The following SLC14A2 variants were observed in gnomAD, a reference collection of about 807,000 sequenced individuals.
The protein encoded by SLC14A2 is urea transporter 2.
SLC14A2 carries 91 observed loss-of-function variants against 104.6 expected under a neutral mutation model. The ratio of observed to expected loss-of-function variants is 0.87; its 90% CI spans 0.73 to 1.04. The LOEUF (loss-of-function observed/expected upper bound fraction) is 1.04. Among genes scored for constraint, SLC14A2 ranks in the 50% least tolerant of loss-of-function variants. The pLI is 0.00. For synonymous variants in SLC14A2, 476 were observed against 466.4 expected (o/e 1.02, Z -0.27); for missense variants, 1,189 against 1,156.0 (o/e 1.03, Z -0.41).
At chr18:45,387,971 C>CA (rs979487800) in intron 1 of SLC14A2, among the ~76,000 whole-genome samples, 2 of 150,472 alleles carry the variant, frequency 1.3e-5, no homozygotes, top group African/African-American at 4.9e-5. Context: ...AGGTTATGTG[C>CA]AAAGGAGGTC....
intron 1 of SLC14A2, among the ~76,000 whole-genome samples, chr18:45,445,324 C>T (rs2086750086): frequency 6.6e-6 from 1 of 152,048 alleles, no homozygotes; most frequent in South Asian, 2.1e-4. Context: ...GTTGGCCAGG[C>T]AGATCTCGAA....
rs148811905 is a variant in SLC14A2, at chr18:45,668,381, A to G, written c.1940A>G (p.Asn647Ser). Residue 647 changes from asparagine (N) to serine (S), a missense_variant, in exon 15 of 20, where the codon AAT becomes AGT. Transcript: ENST00000255226. Reference protein sequence around the residue: ...SAIAAGFHGYNGVLVGLLMAV... With the variant: ...SAIAAGFHGYSGVLVGLLMAV... ...ATCGCTGCAGGATTTCACGGCTACA[A>G]TGGGGTGCTGGTGGGGCTGCTGATG... The G allele has an allele frequency of 4.7e-5, 76 of 1,614,116 alleles. No individual in the cohort carries two copies. Among genetic ancestry groups the G allele is most frequent in the African/African-American group, 4.0e-4 (30 of 75,034 alleles).
the SLC14A2 span, among the ~76,000 whole-genome samples, chr18:45,194,139 A>C: frequency 6.6e-6 from 1 of 152,218 alleles, no homozygotes; most frequent in African/African-American, 2.4e-5. Flanking sequence ...TCATATCATC[A>C]GTGAATAAAG....
chr18:45,332,998 G>C lies in SLC14A2; in HGVS notation c.-125+119807G>C, dbSNP rs780083741. 3.9e-5 allele frequency among the ~76,000 whole-genome samples: 6 copies of C among 152,206 alleles called. No individual in the cohort carries two copies. In the East Asian group the frequency reaches 9.7e-4, roughly 25 times the overall value. On this transcript the variant is annotated intron_variant, in intron 1 of 20. Transcript: ENST00000586448. The stretch of plus-strand genomic sequence containing the variant: ...TGAAGAATTCATAAAAATGCAGCTG[G>C]GGTAAATGGGCTGAAATCTCCTGAG...
At chr18:45,618,594 GGGA>G (rs1206723737) in intron 1 of SLC14A2, among the ~76,000 whole-genome samples, 1 of 149,474 alleles carries the variant, frequency 6.7e-6, no homozygotes, top group Non-Finnish European at 1.5e-5. Context: ...GCTTGAACCT[GGGA>G]GGAGGAGGTT....
chr18:45,332,266 G>GA (rs79240219), intron 1 of SLC14A2, among the ~76,000 whole-genome samples: 2,421 of 151,664 alleles, frequency 0.016, 35 homozygotes, highest in South Asian at 0.041. Context: ...AAAAATATTT[G>GA]AAAAAAAATT....
At chr18:45,195,274 A>C in the SLC14A2 span, among the ~76,000 whole-genome samples, 3 of 152,264 alleles carry the variant, frequency 2.0e-5, no homozygotes, top group African/African-American at 7.2e-5. Context: ...ATGCTCCAAA[A>C]AACATCTGGG....
At chr18:45,429,270 A>T (rs1179651940) in intron 1 of SLC14A2, among the ~76,000 whole-genome samples, 1 of 152,238 alleles carries the variant, frequency 6.6e-6, no homozygotes, top group Non-Finnish European at 1.5e-5. Context: ...ACATGAATAA[A>T]TACTGTTATG....
At chr18:45,281,348 G>A (rs2084760537) in intron 1 of SLC14A2, among the ~76,000 whole-genome samples, 1 of 152,012 alleles carries the variant, frequency 6.6e-6, no homozygotes, top group Admixed American at 6.5e-5. Context: ...CGTGCACGTG[G>A]ACAGACACAT....
chr18:45,389,033 AC>A (rs1257016049), intron 1 of SLC14A2, among the ~76,000 whole-genome samples: 1 of 152,200 alleles, frequency 6.6e-6, no homozygotes, highest in Non-Finnish European at 1.5e-5. Context: ...ATTTGCATTA[AC>A]CCTTTGAGAG....
chr18:45,654,845 G>A (rs772734434), intron 10 of SLC14A2, among the ~76,000 whole-genome samples: 6 of 152,106 alleles, frequency 3.9e-5, no homozygotes, highest in African/African-American at 9.7e-5. Flanking sequence ...GAGCCTTCTC[G>A]TTATTTGTCA....
rs901093419 is a variant in SLC14A2, at chr18:45,460,953, A to AC, written c.-124-22276dup. On this transcript the variant is annotated intron_variant, in intron 1 of 20. Coordinates refer to the SLC14A2 transcript ENST00000586448. ...GTGAAGCTGAGTAGGTGTTGTATGA[A>AC]CCCCTTCTCAATACCTGGTGTCCTA... Among the ~76,000 whole-genome samples the AC allele has an allele frequency of 4.6e-5, 7 of 151,960 alleles. 1 individual carries two copies. The highest frequency in any genetic ancestry group is 1.5e-5 in the Non-Finnish European group (1 of 67,984).
At chr18:45,410,618 A>G (rs2086204857) in intron 1 of SLC14A2, among the ~76,000 whole-genome samples, 2 of 152,108 alleles carry the variant, frequency 1.3e-5, no homozygotes, top group African/African-American at 4.8e-5. Flanking sequence ...ATTTCTCTAT[A>G]TTATATATAC....
At chr18:45,187,053 C>T in the SLC14A2 span, among the ~76,000 whole-genome samples, 1 of 152,218 alleles carries the variant, frequency 6.6e-6, no homozygotes, top group East Asian at 1.9e-4. Context: ...ATTACTGTTG[C>T]CCACCGCAGC....
At chr18:45,555,609 C>G (rs185427937) in intron 2 of SLC14A2, among the ~76,000 whole-genome samples, 1 of 152,286 alleles carries the variant, frequency 6.6e-6, no homozygotes, top group East Asian at 1.9e-4. Flanking sequence ...TCCCATCCCA[C>G]CAGAAATCAG....
chr18:45,524,090 T>C (rs759921278), intron 2 of SLC14A2, among the ~76,000 whole-genome samples: 1 of 152,194 alleles, frequency 6.6e-6, no homozygotes, highest in African/African-American at 2.4e-5. Context: ...ATTGTAAGGA[T>C]TGGCAGTAAC....
At chr18:45,488,159 G>A (rs2087646712) in intron 2 of SLC14A2, among the ~76,000 whole-genome samples, 1 of 152,180 alleles carries the variant, frequency 6.6e-6, no homozygotes, top group Non-Finnish European at 1.5e-5. Context: ...GGCCTTGAAG[G>A]AGAGTGGACT....
chr18:45,434,662 A>G (rs2086568165), intron 1 of SLC14A2, among the ~76,000 whole-genome samples: 4 of 152,214 alleles, frequency 2.6e-5, no homozygotes, highest in African/African-American at 9.7e-5. Context: ...AATCTATTTT[A>G]TTAAGAGATT....
chr18:45,663,129 A>G (rs984712010), intron 10 of SLC14A2, among the ~76,000 whole-genome samples: 1 of 152,130 alleles, frequency 6.6e-6, no homozygotes. Flanking sequence ...CACAGAATTC[A>G]CCCAGTGGCT....
Sources: gnomAD v4.1 joint callset for allele counts (sites outside exome capture counted in the v4.1 genomes callset) on GRCh38, gnomAD v4.1.1 for gene constraint, MANE v1.5 for transcripts, NCBI Gene and HGNC (gene_info 2026-07-23, HGNC 2026-07-21) for gene names.